The following TEX10 variants were observed in gnomAD, a reference collection of about 807,000 sequenced individuals.
TEX10 encodes testis expressed 10, also known as testis-expressed protein 10.
TEX10 carries 24 observed loss-of-function variants against 104.4 expected under a neutral mutation model. That is an observed-to-expected ratio of 0.23 (90% confidence interval 0.17 to 0.32). TEX10 has a LOEUF of 0.32. Among genes scored for constraint, TEX10 ranks in the 10% least tolerant of loss-of-function variants. The pLI is 1.00. For missense variants in TEX10, 921 were observed against 1,083.9 expected, an observed-to-expected ratio of 0.85 and a Z score of 2.11; for synonymous variants, 396 against 393.4, an observed-to-expected ratio of 1.01 and a Z score of -0.08.
At chr9:100,340,120 T>A in intron 5 of TEX10, 137 bp downstream of exon 5, 1 of 446,050 alleles carries the variant, frequency 2.2e-6, no homozygotes, top group Non-Finnish European at 4.0e-6. Flanking sequence ...ATCAGCCATA[T>A]TACTACTTTT....
Position 100,302,310 on chromosome 9 carries a change from G to A in TEX10, c.2677-6C>T. ...ACACTTCCACTCTTCAATGTCTGGA[G>A]AGAAAAACAAGAGTAATCTGAGAAC... is the stretch of plus-strand genomic sequence containing the variant. On this transcript the variant is annotated splice_region_variant and splice_polypyrimidine_tract_variant and intron_variant, in intron 14 of 14. Transcript: ENST00000374902. 2 of 1,601,160 alleles carry A rather than the reference G, an allele frequency of 1.2e-6. No homozygotes were observed. Among genetic ancestry groups the A allele is most frequent in the Non-Finnish European group, 1.7e-6 (2 of 1,170,120 alleles).
At chr9:100,310,406 C>T in intron 11 of TEX10, 27 bp from the exon 12 acceptor site, 1 of 1,584,104 alleles carries the variant, frequency 6.3e-7, no homozygotes, top group Non-Finnish European at 8.6e-7. Flanking sequence ...AAACCACTAA[C>T]CAAATCAGAA....
At position 100,346,756 on chromosome 9, in the gene TEX10, T is replaced by C; in HGVS notation, c.831A>G (p.Gln277=). The C allele has an allele frequency of 1.2e-6, 2 of 1,614,200 alleles. No homozygotes were observed. The highest frequency in any genetic ancestry group is 1.1e-5 in the South Asian group (1 of 91,088). Residue 277 remains glutamine (Q), a synonymous_variant, in exon 3 of 15, where the codon CAA becomes CAG. Coordinates refer to ENST00000374902, the MANE Select transcript of TEX10 (RefSeq NM_017746.4). ...CCCCATTTTCATAAACCTGGATGTG[T>C]TGCTGGTCGTTGGCATGTTCCTTCC... ...INWKEHANDQ[Q]HIQVYENGGS... is the part of the protein sequence containing the mutation.
intron 5 of TEX10, among the ~76,000 whole-genome samples, chr9:100,330,488 C>A (rs1834830301): frequency 6.6e-6 from 1 of 152,114 alleles, no homozygotes; most frequent in Non-Finnish European, 1.5e-5. Flanking sequence ...CCCTGACACA[C>A]CTGATTTAAG....
At position 100,349,317 on chromosome 9, in the gene TEX10, A is replaced by G. The variant is rs556969200; in HGVS notation, c.47T>C (p.Leu16Ser). Residue 16 changes from leucine to serine, a missense_variant, in exon 2 of 15, where the codon TTG becomes TCG. Around this residue, in one of 3 missense-constraint regions of TEX10, gnomAD observed 118 missense variants for 111.3 expected, o/e 1.06. Coordinates refer to ENST00000374902, the MANE Select transcript of TEX10 (RefSeq NM_017746.4). ...CTTGGGCTTCTTTTTACCAACTTTC[A>G]ATTTTACTTTTTGAAAATCATGTTG... is the stretch of plus-strand genomic sequence containing the variant. ...KRQHDFQKVK[L>S]KVGKKKPKLQ... 35 of 1,598,274 alleles carry G rather than the reference A, an allele frequency of 2.2e-5. No individual in the cohort carries two copies. In the South Asian group the frequency reaches 3.9e-4, roughly 18 times the overall value.
chr9:100,352,355 CAG>C (rs1835475453), intron 1 of TEX10: 4 of 1,550,352 alleles, frequency 2.6e-6, no homozygotes, highest in African/African-American at 2.7e-5. Flanking sequence ...GAGGACGGAA[CAG>C]GGGACGCCAG....
At chr9:100,352,683 G>T in intron 1 of TEX10, 89 bp downstream of exon 1, 1 of 1,339,170 alleles carries the variant, frequency 7.5e-7, no homozygotes, top group South Asian at 1.7e-5. Flanking sequence ...GACCCTGCCC[G>T]CTTGGGCCGC....
chr9:100,351,616 A>AT (rs1835452520), intron 1 of TEX10, among the ~76,000 whole-genome samples: 1 of 152,258 alleles, frequency 6.6e-6, no homozygotes, highest in South Asian at 2.1e-4. Flanking sequence ...TGTGGGTTCT[A>AT]TTTAGCCATT....
At chr9:100,323,862 A>C (rs975200873) in intron 9 of TEX10, among the ~76,000 whole-genome samples, 1 of 152,234 alleles carries the variant, frequency 6.6e-6, no homozygotes, top group Non-Finnish European at 1.5e-5. Context: ...CAGAAAAATC[A>C]ATCTGGCAAC....
intron 11 of TEX10, among the ~76,000 whole-genome samples, chr9:100,318,402 TA>T (rs1323981346): frequency 6.6e-6 from 1 of 152,118 alleles, no homozygotes; most frequent in Non-Finnish European, 1.5e-5. Context: ...AAGTGGGAGC[TA>T]AAAATAATGT....
chr9:100,323,601 GT>G (rs770456285), intron 9 of TEX10, among the ~76,000 whole-genome samples: 15 of 152,168 alleles, frequency 9.9e-5, no homozygotes, highest in Non-Finnish European at 1.8e-4. Flanking sequence ...ACTATAACTG[GT>G]TGGTAAAAAG....
In TEX10 at chr9:100,330,099, T is replaced by A; in HGVS notation, c.1321A>T (p.Met441Leu). ...LLLNLTLSDI[M>L]VSLANASTLQ... ...GTTGACGCATTTGCCAGGGAGACCA[T>A]GATATCAGACAGTGTTAAATTCAGT... Residue 441 changes from methionine to leucine, a missense_variant, in exon 6 of 15, where the codon ATG (methionine) becomes TTG (leucine). Coordinates refer to ENST00000374902, the MANE Select transcript of TEX10 (RefSeq NM_017746.4). 6.2e-7 allele frequency: 1 copy of A among 1,614,158 alleles called. No homozygotes were observed. The highest frequency in any genetic ancestry group is 8.5e-7 in the Non-Finnish European group (1 of 1,180,014).
At chr9:100,339,275 G>GTATATA (rs1281859664) in intron 5 of TEX10, among the ~76,000 whole-genome samples, 333 of 72,752 alleles carry the variant, frequency 4.6e-3, no homozygotes, top group African/African-American at 5.7e-3. Flanking sequence ...AAAAAAAAAA[G>GTATATA]TATATATATA....
At chr9:100,340,597 G>C (rs1340772733) in intron 4 of TEX10, among the ~76,000 whole-genome samples, 1 of 152,114 alleles carries the variant, frequency 6.6e-6, no homozygotes, top group Non-Finnish European at 1.5e-5. Flanking sequence ...CATTCTGTCT[G>C]CTGCTTAAGA....
At chr9:100,349,448 A>T in intron 1 of TEX10, 76 bp from the exon 2 acceptor site, 1 of 849,212 alleles carries the variant, frequency 1.2e-6, no homozygotes, top group South Asian at 2.6e-5. Flanking sequence ...TTTCCAACAC[A>T]TACTACTGTA....
chr9:100,352,287 G>C, intron 1 of TEX10: 1 of 1,448,320 alleles, frequency 6.9e-7, no homozygotes, highest in South Asian at 1.2e-5. Context: ...AGGCAGGGGC[G>C]ACCCCAGAAA....
chr9:100,314,633 C>T (rs571419431), intron 11 of TEX10, among the ~76,000 whole-genome samples: 3 of 152,070 alleles, frequency 2.0e-5, no homozygotes, highest in South Asian at 4.2e-4. Flanking sequence ...GTCTAGCTAC[C>T]GGCTATCAAT....
intron 5 of TEX10, among the ~76,000 whole-genome samples, chr9:100,333,050 G>C (rs1035281533): frequency 4.9e-4 from 75 of 152,064 alleles, no homozygotes; most frequent in African/African-American, 1.7e-3. Flanking sequence ...TGTCACCCAG[G>C]CTGGAGTGCA....
At chr9:100,337,793 C>A (rs1179642907) in intron 5 of TEX10, among the ~76,000 whole-genome samples, 1 of 152,172 alleles carries the variant, frequency 6.6e-6, no homozygotes. Context: ...AAAGTCTCAT[C>A]CCTTGCATTT....
Sources: allele counts gnomAD v4.1 joint callset (sites outside exome capture counted in the v4.1 genomes callset), GRCh38; gene constraint gnomAD v4.1.1; regional missense constraint gnomAD v4.1.1; transcripts MANE v1.5; gene names NCBI Gene and HGNC (gene_info 2026-07-23, HGNC 2026-07-21).